Variants in TRHDE observed in about 807,000 individuals in gnomAD.
TRHDE encodes the protein thyrotropin releasing hormone degrading enzyme.
In TRHDE, 72 loss-of-function variants were observed where a neutral mutation model predicts 125.7. The ratio of observed to expected loss-of-function variants is 0.57; its 90% CI spans 0.47 to 0.70. TRHDE has a LOEUF of 0.70. Ranked by LOEUF, TRHDE falls within the 30% of genes least tolerant of loss-of-function variation. The pLI is 0.00. For synonymous variants in TRHDE, 509 were observed against 509.1 expected (o/e 1.00, Z 0.00); for missense variants, 1,110 against 1,327.1 (o/e 0.84, Z 2.54).
chr12:72,190,799 C>T (rs1372367442), intron 2 of TRHDE, among the ~76,000 whole-genome samples: 1 of 152,142 alleles, frequency 6.6e-6, no homozygotes, highest in African/African-American at 2.4e-5. Context: ...TGCATGGACT[C>T]CAAAACAGTT....
intron 3 of TRHDE, among the ~76,000 whole-genome samples, chr12:72,411,250 G>A (rs1873495817): frequency 6.7e-6 from 1 of 149,112 alleles, no homozygotes; most frequent in Admixed American, 6.7e-5. Flanking sequence ...GATAACATTT[G>A]GCATGATTCT....
chr12:72,563,029 T>C lies in TRHDE; in HGVS notation c.2031T>C (p.Leu677=), dbSNP rs780796706. 57 of 1,593,400 alleles carry C rather than the reference T, an allele frequency of 3.6e-5. No individual in the cohort carries two copies. The highest frequency in any genetic ancestry group is 4.6e-5 in the Non-Finnish European group (54 of 1,169,184). ...GTGCTAAAACTAAAGCACTTAAACT[T>C]CAGAATAACAGGTATGACATTCTTT... ...DISAKTKALK[L]QNNSYLWQIP... The change falls in exon 9 of 19, where the codon CTT becomes CTC. Residue 677 remains leucine (L), a synonymous_variant. Transcript: ENST00000261180.
chr12:72,210,139 A>G (rs1217025360), intron 2 of TRHDE, among the ~76,000 whole-genome samples: 4 of 151,898 alleles, frequency 2.6e-5, no homozygotes, highest in East Asian at 1.9e-4. Flanking sequence ...TGTAATATCT[A>G]GAACCACAAT....
chr12:72,233,531 G>T (rs1423335393), intron 2 of TRHDE, among the ~76,000 whole-genome samples: 3 of 152,114 alleles, frequency 2.0e-5, no homozygotes, highest in African/African-American at 4.8e-5. Flanking sequence ...ATAATAATAA[G>T]AAGCAAATTT....
chr12:72,641,872 A>G (rs929915023), intron 15 of TRHDE, among the ~76,000 whole-genome samples: 1 of 152,152 alleles, frequency 6.6e-6, no homozygotes, highest in East Asian at 1.9e-4. Context: ...TGAACAATAT[A>G]TTTTTCTCCC....
At chr12:72,330,732 A>T (rs975834111) in intron 2 of TRHDE, among the ~76,000 whole-genome samples, 2 of 152,184 alleles carry the variant, frequency 1.3e-5, no homozygotes, top group Non-Finnish European at 2.9e-5. Context: ...GAGCGAAAAT[A>T]ATATCCTATT....
At chr12:72,519,500 C>T (rs973478962) in intron 6 of TRHDE, among the ~76,000 whole-genome samples, 1 of 152,152 alleles carries the variant, frequency 6.6e-6, no homozygotes, top group Non-Finnish European at 1.5e-5. Context: ...TCCATCAGCT[C>T]CTTTAAGCAC....
chr12:72,466,441 T>C (rs1224547558), intron 3 of TRHDE, among the ~76,000 whole-genome samples: 1 of 152,196 alleles, frequency 6.6e-6, no homozygotes, highest in Non-Finnish European at 1.5e-5. Context: ...CACATGTTGC[T>C]ACAAGTAAAT....
At position 72,251,422 on chromosome 12, in the gene TRHDE, CTT is replaced by C. The variant is rs34337273; in HGVS notation, n.280-126558_280-126557del. ...AGTATATAACCTTTTGGAATTGGGG[CTT>C]TTTTTTTTTTTTTTCACTCAGCACA... is the stretch of plus-strand genomic sequence containing the variant. On this transcript the variant is annotated intron_variant and non_coding_transcript_variant, in intron 2 of 4. Coordinates refer to the TRHDE transcript ENST00000548156. Among the ~76,000 whole-genome samples the C allele has an allele frequency of 2.8e-3, 370 of 130,734 alleles. 1 individual carries two copies. Among genetic ancestry groups the C allele is most frequent in the Middle Eastern group, 7.5e-3 (2 of 268 alleles). The allele number at this position is 130,734 out of a possible 152,430, so 85.8% of individuals were successfully genotyped here.
chr12:72,230,116 A>T (rs565251345), intron 2 of TRHDE, among the ~76,000 whole-genome samples: 2 of 152,208 alleles, frequency 1.3e-5, no homozygotes, highest in Non-Finnish European at 2.9e-5. Context: ...TGTTGTGCCC[A>T]TGAGAACAAA....
intron 15 of TRHDE, among the ~76,000 whole-genome samples, chr12:72,641,857 A>T (rs1324248257): frequency 2.6e-5 from 4 of 152,150 alleles, no homozygotes; most frequent in African/African-American, 7.2e-5. Context: ...CACAGTTTTT[A>T]TGAATGAACA....
In TRHDE at chr12:72,286,865, T is replaced by C. The variant is rs2139428207; in HGVS notation, c.1099T>C (p.Ser367Pro). 1 of 1,614,022 alleles carries C rather than the reference T, an allele frequency of 6.2e-7. No homozygotes were observed. Among genetic ancestry groups the C allele is most frequent in the Non-Finnish European group, 8.5e-7 (1 of 1,179,972 alleles). ...EEDGWVTDHF[S>P]QTPLMSTYYL... is the part of the protein sequence containing the mutation. ...AGATGGATGGGTTACGGATCACTTT[T>C]CACAGACCCCTCTCATGTCCACATA... The change falls in exon 2 of 19, where the codon TCA (serine) becomes CCA (proline). Residue 367 changes from serine to proline, a missense_variant. By Grantham distance (74) the Ser-to-Pro change is moderately conservative. This residue lies in a region of TRHDE where 252 missense variants were observed against 274.8 expected (regional missense o/e 0.92). Transcript: ENST00000261180.
chr12:72,490,551 C>G (rs975303597), intron 5 of TRHDE, among the ~76,000 whole-genome samples: 1 of 151,190 alleles, frequency 6.6e-6, no homozygotes, highest in Admixed American at 6.6e-5. Context: ...TCACAATAGC[C>G]AAGATATTGA....
intron 13 of TRHDE, among the ~76,000 whole-genome samples, 175 bp from the exon 14 acceptor site, chr12:72,620,933 T>TA (rs150559423): frequency 0.071 from 10,827 of 152,152 alleles, 443 homozygotes; most frequent in Middle Eastern, 0.11. Context: ...CTTTTCTATA[T>TA]ATGAAATACT....
intron 18 of TRHDE, among the ~76,000 whole-genome samples, chr12:72,660,927 C>T (rs1437161086): frequency 2.0e-5 from 3 of 152,120 alleles, no homozygotes; most frequent in Admixed American, 1.3e-4. Context: ...TGTGAGCATG[C>T]GCTAGGGCCA....
intron 2 of TRHDE, among the ~76,000 whole-genome samples, chr12:72,341,323 G>A (rs1870078219): frequency 6.6e-6 from 1 of 150,736 alleles, no homozygotes; most frequent in Admixed American, 6.6e-5. Context: ...GTGTCCAAGT[G>A]ATCTCATTGT....
intron 1 of TRHDE, among the ~76,000 whole-genome samples, chr12:72,283,241 T>A (rs1217308717): frequency 6.6e-6 from 1 of 152,196 alleles, no homozygotes; most frequent in African/African-American, 2.4e-5. Context: ...AAAAAGCTAT[T>A]TAGTGGTAGT....
chr12:72,539,801 TGAGTTTTCTA>T (rs1869051224), intron 6 of TRHDE, among the ~76,000 whole-genome samples: 1 of 151,886 alleles, frequency 6.6e-6, no homozygotes, highest in Admixed American at 6.6e-5. Context: ...CAAACAGTGA[TGAGTTTTCTA>T]GAGCAAGTCT....
intron 5 of TRHDE, among the ~76,000 whole-genome samples, chr12:72,492,516 C>G (rs1266365690): frequency 6.6e-6 from 1 of 151,846 alleles, no homozygotes; most frequent in African/African-American, 2.4e-5. Context: ...TACAGGGATA[C>G]TATTTCACAT....
Sources: allele counts gnomAD v4.1 joint callset (sites outside exome capture counted in the v4.1 genomes callset), GRCh38; gene constraint gnomAD v4.1.1; regional missense constraint gnomAD v4.1.1; transcripts MANE v1.5; gene names NCBI Gene and HGNC (gene_info 2026-07-23, HGNC 2026-07-21).